The following ESR1 variants were observed in gnomAD, a reference collection of about 807,000 sequenced individuals.
ESR1 encodes the protein estrogen receptor 1.
In ESR1, 12 loss-of-function variants were observed where a neutral mutation model predicts 52.7. The observed-to-expected ratio is 0.23, with a 90% CI of 0.15 to 0.37. The LOEUF is 0.37. ESR1 is among the 10% of genes least tolerant of loss of function. ESR1 has a pLI of 1.00. For missense variants in ESR1, 584 were observed against 779.7 expected (o/e 0.75, Z 2.99); for synonymous variants, 305 against 316.8 (o/e 0.96, Z 0.39).
intron 1 of ESR1, among the ~76,000 whole-genome samples, chr6:151,841,202 G>A (rs1382247898): frequency 1.3e-5 from 2 of 152,102 alleles, no homozygotes; most frequent in Non-Finnish European, 2.9e-5. Context: ...CAGTCTACAC[G>A]AGGCCTTCTC....
At chr6:151,978,209 A>C (rs1290961806) in intron 4 of ESR1, among the ~76,000 whole-genome samples, 1 of 152,148 alleles carries the variant, frequency 6.6e-6, no homozygotes, top group Non-Finnish European at 1.5e-5. Context: ...TCTGGAAATA[A>C]AAAAGTATAA....
intron 2 of ESR1, among the ~76,000 whole-genome samples, chr6:151,749,835 A>G (rs1783770961): frequency 6.6e-6 from 1 of 151,056 alleles, no homozygotes; most frequent in South Asian, 2.1e-4. Flanking sequence ...GTCAACACAG[A>G]TCTGACAATC....
intron 3 of ESR1, among the ~76,000 whole-genome samples, chr6:151,932,645 G>A (rs2033815033): frequency 6.9e-6 from 1 of 145,590 alleles, no homozygotes; most frequent in African/African-American, 2.6e-5. Context: ...GTGTAAGGAA[G>A]GGATCCAGTT....
At chr6:151,678,853 A>AT (rs1188694866) in intron 1 of ESR1, among the ~76,000 whole-genome samples, 17 of 151,800 alleles carry the variant, frequency 1.1e-4, no homozygotes, top group Non-Finnish European at 7.4e-5. Flanking sequence ...CTCCTGGCTA[A>AT]TTTTTGCATT....
At chr6:151,889,904 C>G (rs1294276186) in intron 3 of ESR1, among the ~76,000 whole-genome samples, 4 of 151,930 alleles carry the variant, frequency 2.6e-5, no homozygotes, top group African/African-American at 9.7e-5. Flanking sequence ...TCTTCTTTGA[C>G]CCACTGGTTG....
intron 3 of ESR1, among the ~76,000 whole-genome samples, chr6:151,884,348 A>G (rs1185735261): frequency 6.6e-6 from 1 of 152,250 alleles, no homozygotes; most frequent in Admixed American, 6.5e-5. Flanking sequence ...ATGATAACTA[A>G]CTATAAAATG....
At chr6:151,982,771 C>T (rs2040120647) in intron 4 of ESR1, among the ~76,000 whole-genome samples, 1 of 151,948 alleles carries the variant, frequency 6.6e-6, no homozygotes, top group Non-Finnish European at 1.5e-5. Context: ...AAAAAATTAG[C>T]ATTTCAACAT....
upstream of ESR1, among the ~76,000 whole-genome samples, chr6:151,690,265 G>A (rs186227184): frequency 3.9e-5 from 6 of 151,992 alleles, no homozygotes; most frequent in South Asian, 2.1e-4. Context: ...GCTTTATTAC[G>A]AATAAAGAGA....
chr6:152,125,593 T>C (rs1019330380), exon 7 of ESR1: 2 of 429,432 alleles, frequency 4.7e-6, no homozygotes, highest in African/African-American at 1.9e-5. Context: ...CTTTAAAATA[T>C]GCCCTGGCAA....
chr6:151,924,402 A>T (rs916166350), intron 3 of ESR1, among the ~76,000 whole-genome samples: 13 of 150,898 alleles, frequency 8.6e-5, no homozygotes, highest in African/African-American at 3.2e-4. Flanking sequence ...TGCCAACTGT[A>T]TTTTTTTTAA....
At chr6:151,684,980 G>C (rs909347192) in intron 1 of ESR1, among the ~76,000 whole-genome samples, 81 of 152,288 alleles carry the variant, frequency 5.3e-4, no homozygotes, top group Non-Finnish European at 9.7e-4. Context: ...GGGGTTTACA[G>C]AGATTTTTCT....
chr6:151,916,446 T>A (rs2030209030), intron 3 of ESR1, among the ~76,000 whole-genome samples: 1 of 152,190 alleles, frequency 6.6e-6, no homozygotes, highest in Non-Finnish European at 1.5e-5. Context: ...CAGTTCTTAT[T>A]AAGAAATTTT....
At chr6:152,052,103 G>A (rs6914073) in intron 5 of ESR1, among the ~76,000 whole-genome samples, 33,403 of 152,034 alleles carry the variant, frequency 0.22, 5,326 homozygotes, top group African/African-American at 0.44. Context: ...TTTTACTCAT[G>A]GTGGAAGGCA....
intron 6 of ESR1, among the ~76,000 whole-genome samples, chr6:152,066,229 A>G (rs1220989633): frequency 1.3e-5 from 2 of 152,236 alleles, no homozygotes; most frequent in Admixed American, 6.5e-5. Context: ...ATGCTTAATT[A>G]TAACAAGTTC....
chr6:152,021,061 T>C (rs560543223), intron 5 of ESR1, among the ~76,000 whole-genome samples: 18 of 152,294 alleles, frequency 1.2e-4, no homozygotes, highest in African/African-American at 4.1e-4. Context: ...CTTGATTGGA[T>C]TGAAGGATAC....
At chr6:151,663,379 T>A (rs1339657632) in intron 1 of ESR1, among the ~76,000 whole-genome samples, 1 of 152,240 alleles carries the variant, frequency 6.6e-6, no homozygotes, top group African/African-American at 2.4e-5. Flanking sequence ...AACTGAGATT[T>A]CTAGAAAGCA....
intron 1 of ESR1, among the ~76,000 whole-genome samples, chr6:151,659,765 A>T (rs1777576383): frequency 6.6e-6 from 1 of 152,260 alleles, no homozygotes; most frequent in Non-Finnish European, 1.5e-5. Context: ...AACTGAAAAA[A>T]GAATAGAAAA....
intron 1 of ESR1, among the ~76,000 whole-genome samples, chr6:151,826,174 C>T (rs1781466947): frequency 6.6e-6 from 1 of 152,122 alleles, no homozygotes; most frequent in African/African-American, 2.4e-5. Flanking sequence ...GCTTAGACTA[C>T]AGCAGGAGCA....
rs920063421 is a variant in ESR1 at position 151,992,701 on chromosome 6, T to C, written c.1097-18955T>C. ...TGATACGTTTCTTGAAGCATGTGGA[T>C]TTGCTTCCATAAGCAGTGGTGGACC... is the stretch of plus-strand genomic sequence containing the variant. On this transcript the variant is annotated intron_variant, in intron 4 of 7. Coordinates refer to ENST00000206249, the MANE Select transcript of ESR1 (RefSeq NM_000125.4). 3.3e-5 allele frequency among the ~76,000 whole-genome samples: 5 copies of C among 152,186 alleles called. No homozygotes were observed. The South Asian group carries it at 6.2e-4, about 19-fold the overall frequency.
Sources: gnomAD v4.1 joint callset for allele counts (sites outside exome capture counted in the v4.1 genomes callset) on GRCh38, gnomAD v4.1.1 for gene constraint, MANE v1.5 for transcripts, NCBI Gene and HGNC (gene_info 2026-07-23, HGNC 2026-07-21) for gene names.